SCHIP1: variants seen among roughly 807,000 people sequenced by gnomAD.
SCHIP1 encodes the protein schwannomin-interacting protein 1.
In SCHIP1, 8 loss-of-function variants were observed where a neutral mutation model predicts 29.7. The observed-to-expected ratio is 0.27, with a 90% CI of 0.16 to 0.49. The LOEUF is 0.49. Ranked by LOEUF, SCHIP1 falls within the 20% of genes least tolerant of loss-of-function variation. The probability of loss-of-function intolerance (pLI) is 0.99; values close to 1 mark genes in which losing one functional copy is unlikely to be tolerated. For synonymous variants in SCHIP1, 76 were observed against 94.9 expected (o/e 0.80, Z 1.16); for missense variants, 193 against 294.6 (o/e 0.66, Z 2.52).
At chr3:159,802,081 A>G in the SCHIP1 span, among the ~76,000 whole-genome samples, 1 of 152,200 alleles carries the variant, frequency 6.6e-6, no homozygotes, top group African/African-American at 2.4e-5. Context: ...AAAATCCATA[A>G]CCTTTCATTT....
the SCHIP1 span, among the ~76,000 whole-genome samples, chr3:159,817,068 C>T: frequency 2.0e-5 from 3 of 152,132 alleles, no homozygotes; most frequent in African/African-American, 7.2e-5. Context: ...GGGACTGTGT[C>T]TTATCTCTGT....
the SCHIP1 span, among the ~76,000 whole-genome samples, chr3:159,480,264 G>A: frequency 6.6e-6 from 1 of 152,126 alleles, no homozygotes; most frequent in African/African-American, 2.4e-5. Context: ...CAGTGTATGA[G>A]TATGTGGTTA....
At chr3:159,523,149 A>G in the SCHIP1 span, among the ~76,000 whole-genome samples, 4 of 152,320 alleles carry the variant, frequency 2.6e-5, no homozygotes, top group Non-Finnish European at 5.9e-5. Context: ...ATGTTACAGA[A>G]TGTATCCCTA....
At chr3:159,545,600 G>T in the SCHIP1 span, among the ~76,000 whole-genome samples, 1 of 149,226 alleles carries the variant, frequency 6.7e-6, no homozygotes, top group East Asian at 2.0e-4. Context: ...GTGTGTGTGT[G>T]TGTGTATATA....
the SCHIP1 span, among the ~76,000 whole-genome samples, chr3:159,696,064 A>G: frequency 1.3e-4 from 20 of 151,936 alleles, no homozygotes; most frequent in African/African-American, 4.8e-4. Flanking sequence ...CATCAAATTC[A>G]TCTCTCCCTA....
the SCHIP1 span, among the ~76,000 whole-genome samples, chr3:159,822,300 C>CAG: frequency 6.6e-6 from 1 of 151,832 alleles, no homozygotes; most frequent in Admixed American, 6.6e-5. Flanking sequence ...ATCTAAGACA[C>CAG]AGAGAGAGAG....
At chr3:159,767,730 A>C in the SCHIP1 span, among the ~76,000 whole-genome samples, 87 of 152,232 alleles carry the variant, frequency 5.7e-4, no homozygotes, top group African/African-American at 2.0e-3. Context: ...GACTCAGTTC[A>C]ACTCTCACCA....
At chr3:159,591,989 C>T in the SCHIP1 span, among the ~76,000 whole-genome samples, 1 of 120,980 alleles carries the variant, frequency 8.3e-6, no homozygotes, top group African/African-American at 3.7e-5. Flanking sequence ...AGAAGACCCT[C>T]AAAAAAAAAA....
At chr3:159,307,242 A>G in the SCHIP1 span, among the ~76,000 whole-genome samples, 1 of 152,222 alleles carries the variant, frequency 6.6e-6, no homozygotes, top group Non-Finnish European at 1.5e-5. Flanking sequence ...GGCCAAGAGT[A>G]CAGGGTTTAG....
the SCHIP1 span, among the ~76,000 whole-genome samples, chr3:159,676,812 C>A: frequency 5.3e-4 from 81 of 152,296 alleles, no homozygotes; most frequent in African/African-American, 1.9e-3. Context: ...AACCACCCAA[C>A]CTCCCTGCAA....
chr3:159,291,865 T>C, the SCHIP1 span, among the ~76,000 whole-genome samples: 8 of 151,894 alleles, frequency 5.3e-5, no homozygotes, highest in South Asian at 2.1e-4. Flanking sequence ...CTTCAATAAA[T>C]CAATGGGATG....
At chr3:159,524,351 T>C in the SCHIP1 span, among the ~76,000 whole-genome samples, 2 of 152,246 alleles carry the variant, frequency 1.3e-5, no homozygotes, top group African/African-American at 4.8e-5. Flanking sequence ...AATCCTTTTC[T>C]ACAGCTCACA....
At chr3:159,547,937 C>T in the SCHIP1 span, among the ~76,000 whole-genome samples, 5 of 152,260 alleles carry the variant, frequency 3.3e-5, no homozygotes, top group Admixed American at 3.3e-4. Context: ...TTAAAATAAT[C>T]ATATGATTTT....
chr3:159,715,405 C>T, the SCHIP1 span, among the ~76,000 whole-genome samples: 188 of 152,248 alleles, frequency 1.2e-3, no homozygotes, highest in African/African-American at 4.5e-3. Flanking sequence ...ATGACTTTGA[C>T]GAGTTGAGAG....
chr3:159,819,884 G>A, the SCHIP1 span, among the ~76,000 whole-genome samples: 4 of 152,138 alleles, frequency 2.6e-5, no homozygotes, highest in African/African-American at 9.7e-5. Flanking sequence ...CCATCTTCCT[G>A]TCACCCTTAG....
At chr3:159,576,132 A>G in the SCHIP1 span, among the ~76,000 whole-genome samples, 2 of 152,190 alleles carry the variant, frequency 1.3e-5, no homozygotes, top group African/African-American at 4.8e-5. Context: ...AACATAAAGA[A>G]ATGATAAATG....
At chr3:159,464,882 A>G in the SCHIP1 span, among the ~76,000 whole-genome samples, 5 of 152,150 alleles carry the variant, frequency 3.3e-5, no homozygotes, top group Non-Finnish European at 7.4e-5. Flanking sequence ...TAGACATATG[A>G]CAGATATTGG....
chr3:159,382,962 T>C, the SCHIP1 span, among the ~76,000 whole-genome samples: 2 of 150,452 alleles, frequency 1.3e-5, no homozygotes, highest in Admixed American at 1.3e-4. Context: ...TTGTTTGTTT[T>C]TTTCTTGTAA....
chr3:159,736,794 G>C, the SCHIP1 span, among the ~76,000 whole-genome samples: 4 of 151,936 alleles, frequency 2.6e-5, no homozygotes, highest in South Asian at 8.3e-4. Flanking sequence ...AAGTGCAGTG[G>C]CGCGATCTCA....
Sources: gnomAD v4.1 joint callset for allele counts (sites outside exome capture counted in the v4.1 genomes callset) on GRCh38, gnomAD v4.1.1 for gene constraint, MANE v1.5 for transcripts, NCBI Gene and HGNC (gene_info 2026-07-23, HGNC 2026-07-21) for gene names.